Variants in DOCK3 observed in about 807,000 individuals in gnomAD.
DOCK3 encodes the protein dedicator of cytokinesis 3.
A neutral mutation model predicts 265.6 loss-of-function variants in DOCK3; 60 were observed. The ratio of observed to expected loss-of-function variants is 0.23; its 90% CI spans 0.18 to 0.28. The LOEUF (loss-of-function observed/expected upper bound fraction) is 0.28, where lower values mean the gene tolerates loss of function less well. DOCK3 is among the 10% of genes least tolerant of loss of function. The pLI is 1.00. For missense variants in DOCK3, 1,981 were observed against 2,594.3 expected, an observed-to-expected ratio of 0.76 and a Z score of 5.14; for synonymous variants, 881 against 938.0, an observed-to-expected ratio of 0.94 and a Z score of 1.11.
chr3:51,338,424 G>T lies in DOCK3; in HGVS notation c.3672+5G>T. On this transcript the variant is annotated splice_donor_5th_base_variant and intron_variant, in intron 36 of 52. Transcript: ENST00000266037. ...GGCTGCACTGTTAACCTGATGGTGA[G>T]AGGACATGGGCCCTGACTTCTCTCT... 1 of 1,551,864 alleles carries T rather than the reference G, an allele frequency of 6.4e-7. No individual in the cohort carries two copies. Among genetic ancestry groups the T allele is most frequent in the South Asian group, 1.2e-5 (1 of 84,060 alleles).
chr3:50,965,008 A>C (rs1331689601), intron 5 of DOCK3, among the ~76,000 whole-genome samples: 1 of 152,140 alleles, frequency 6.6e-6, no homozygotes, highest in Non-Finnish European at 1.5e-5. Flanking sequence ...TTTTAGATAT[A>C]AACTAAGCTG....
chr3:51,018,044 A>C (rs1341344838), intron 5 of DOCK3, among the ~76,000 whole-genome samples: 1 of 151,280 alleles, frequency 6.6e-6, no homozygotes, highest in East Asian at 1.9e-4. Context: ...GGTGCCTGCC[A>C]CCATGCCCAG....
chr3:50,873,293 G>A (rs964560879), intron 3 of DOCK3, among the ~76,000 whole-genome samples: 1 of 152,174 alleles, frequency 6.6e-6, no homozygotes, highest in Admixed American at 6.5e-5. Flanking sequence ...CAAGGCAGCA[G>A]GTTCCCTTCT....
chr3:50,693,736 C>T (rs1387909808), intron 1 of DOCK3, among the ~76,000 whole-genome samples: 1 of 151,132 alleles, frequency 6.6e-6, no homozygotes, highest in Non-Finnish European at 1.5e-5. Context: ...GGGGTTTCAC[C>T]ATGTTGGCCA....
intron 1 of DOCK3, among the ~76,000 whole-genome samples, chr3:50,775,357 C>T (rs1300323122): frequency 6.6e-6 from 1 of 152,000 alleles, no homozygotes; most frequent in Non-Finnish European, 1.5e-5. Flanking sequence ...TTTTGCCTTT[C>T]TGTAAATTCG....
At chr3:51,194,500 A>C (rs2088149152) in intron 12 of DOCK3, among the ~76,000 whole-genome samples, 1 of 152,186 alleles carries the variant, frequency 6.6e-6, no homozygotes, top group South Asian at 2.1e-4. Context: ...TGAGAGTGGA[A>C]TGTTGAAGTC....
At chr3:50,699,225 A>G (rs949663585) in intron 1 of DOCK3, among the ~76,000 whole-genome samples, 7 of 152,220 alleles carry the variant, frequency 4.6e-5, no homozygotes, top group Non-Finnish European at 1.0e-4. Flanking sequence ...ATTTGACCAT[A>G]TATGTGGGGA....
intron 9 of DOCK3, among the ~76,000 whole-genome samples, chr3:51,101,452 G>A (rs867427409): frequency 1.3e-5 from 2 of 152,138 alleles, no homozygotes; most frequent in African/African-American, 2.4e-5. Flanking sequence ...ATTGCAAGGC[G>A]GTAGAGATCA....
At chr3:50,751,247 A>G (rs951873985) in intron 1 of DOCK3, among the ~76,000 whole-genome samples, 1 of 151,752 alleles carries the variant, frequency 6.6e-6, no homozygotes, top group African/African-American at 2.4e-5. Context: ...CTGTGACATA[A>G]AAAGAATGGA....
At chr3:51,168,491 A>G (rs2086513978) in intron 12 of DOCK3, among the ~76,000 whole-genome samples, 1 of 152,224 alleles carries the variant, frequency 6.6e-6, no homozygotes, top group Non-Finnish European at 1.5e-5. Flanking sequence ...AGCAATGGGG[A>G]AAGGACTCCC....
Position 51,237,486 on chromosome 3 carries a change from C to T in DOCK3, c.2002-4C>T. 1 of 1,612,690 alleles carries T rather than the reference C, an allele frequency of 6.2e-7. No individual in the cohort carries two copies. The highest frequency in any genetic ancestry group is 8.5e-7 in the Non-Finnish European group (1 of 1,179,320). On this transcript the variant is annotated splice_region_variant and splice_polypyrimidine_tract_variant and intron_variant, in intron 20 of 52. Coordinates refer to ENST00000266037, the MANE Select transcript of DOCK3 (RefSeq NM_004947.5). Reference sequence around the variant, plus strand: ...CCTGATGGCTTACTCTCCATATCTCCCAGGTGTTCATCATCAACCTGCTCC... The same window carrying T: ...CCTGATGGCTTACTCTCCATATCTCTCAGGTGTTCATCATCAACCTGCTCC...
chr3:51,175,643 A>G (rs1479532290), intron 12 of DOCK3, among the ~76,000 whole-genome samples: 1 of 152,138 alleles, frequency 6.6e-6, no homozygotes, highest in Non-Finnish European at 1.5e-5. Flanking sequence ...CCTGCACTGC[A>G]GTTGGGAGGG....
chr3:50,778,303 G>T (rs2041724547), intron 1 of DOCK3, among the ~76,000 whole-genome samples: 1 of 151,910 alleles, frequency 6.6e-6, no homozygotes, highest in African/African-American at 2.4e-5. Context: ...CTATTTGTTT[G>T]CTTGTGGTAG....
intron 12 of DOCK3, among the ~76,000 whole-genome samples, chr3:51,183,213 GAAATC>G (rs1316166091): frequency 6.6e-6 from 1 of 152,226 alleles, no homozygotes; most frequent in African/African-American, 2.4e-5. Context: ...AATACTTGAG[GAAATC>G]AAATCTGCTT....
intron 12 of DOCK3, among the ~76,000 whole-genome samples, chr3:51,163,551 G>C (rs2086238075): frequency 6.6e-6 from 1 of 152,074 alleles, no homozygotes; most frequent in Admixed American, 6.6e-5. Flanking sequence ...CGAAGGACAA[G>C]GGGTCACAAG....
intron 49 of DOCK3, among the ~76,000 whole-genome samples, chr3:51,371,454 C>T (rs2087670368): frequency 6.6e-6 from 1 of 152,226 alleles, no homozygotes; most frequent in African/African-American, 2.4e-5. Flanking sequence ...GGTCCTACAT[C>T]TATCAAGCAC....
At chr3:50,729,382 A>ATT (rs1231028918) in intron 1 of DOCK3, among the ~76,000 whole-genome samples, 26 of 54,406 alleles carry the variant, frequency 4.8e-4, no homozygotes, top group African/African-American at 1.1e-3. Flanking sequence ...ATTTATTTTT[A>ATT]TTTATTTATT....
Position 51,277,774 on chromosome 3 carries a change from G to T in DOCK3, c.2823+20G>T. 2 of 1,604,140 alleles carry T rather than the reference G, an allele frequency of 1.2e-6. No homozygotes were observed. The highest frequency in any genetic ancestry group is 1.7e-6 in the Non-Finnish European group (2 of 1,175,816). ...ATCACTGTTAGTAACTAACATCCAGGTTTTCTTGCCTTCTTTTCTAACCCG... is the reference window on the plus strand; with the variant it reads ...ATCACTGTTAGTAACTAACATCCAGTTTTTCTTGCCTTCTTTTCTAACCCG... On this transcript the variant is annotated intron_variant, in intron 26 of 52. Coordinates refer to ENST00000266037, the MANE Select transcript of DOCK3 (RefSeq NM_004947.5).
chr3:50,746,005 C>T (rs906570339), intron 1 of DOCK3, among the ~76,000 whole-genome samples: 4 of 152,000 alleles, frequency 2.6e-5, no homozygotes, highest in Admixed American at 1.3e-4. Context: ...AGTCCTTTAT[C>T]AGATATATAC....
Sources: allele counts gnomAD v4.1 joint callset (sites outside exome capture counted in the v4.1 genomes callset), GRCh38; gene constraint gnomAD v4.1.1; transcripts MANE v1.5; gene names NCBI Gene and HGNC (gene_info 2026-07-23, HGNC 2026-07-21).